INHBA: variants seen among roughly 807,000 people sequenced by gnomAD.
INHBA encodes the protein inhibin subunit beta A.
A neutral mutation model predicts 29.0 loss-of-function variants in INHBA; 1 was observed. The observed-to-expected ratio is 0.03, with a 90% CI of 0.01 to 0.16. The LOEUF (loss-of-function observed/expected upper bound fraction) is 0.16. INHBA is among the 10% of genes least tolerant of loss of function. INHBA has a pLI of 1.00. For missense variants in INHBA, 376 were observed against 545.4 expected (o/e 0.69, Z 3.09); for synonymous variants, 242 against 216.8 (o/e 1.12, Z -1.02).
chr7:41,693,063 C>G (rs1583593364), intron 2 of INHBA, among the ~76,000 whole-genome samples: 1 of 152,318 alleles, frequency 6.6e-6, no homozygotes, highest in East Asian at 1.9e-4. Flanking sequence ...AAGATACCTG[C>G]TGTTTTCCCT....
intron 2 of INHBA, among the ~76,000 whole-genome samples, chr7:41,694,857 G>A (rs927859482): frequency 2.0e-5 from 3 of 152,194 alleles, no homozygotes; most frequent in South Asian, 2.1e-4. Flanking sequence ...ACCTCACAGG[G>A]AATACCTCTG....
Position 41,690,352 on chromosome 7 carries a change from C to T in INHBA, c.579G>A (p.Glu193=), listed in dbSNP as rs1794473777. The T allele has an allele frequency of 6.2e-7, 1 of 1,614,112 alleles. No individual in the cohort carries two copies. The highest frequency in any genetic ancestry group is 2.2e-5 in the East Asian group (1 of 44,836). The part of the protein sequence containing the change: ...QGSLDTGEEA[E]EVGLKGERSE... ...TCCTCTCCCCCTTTAAGCCCACTTC[C>T]TCGGCCTCTTCCCCTGTGTCCAAGC... is the stretch of plus-strand genomic sequence containing the variant. The change falls in exon 3 of 3, where the codon GAG becomes GAA. Residue 193 remains glutamate, a synonymous_variant. Transcript: ENST00000242208.
rs1193683862 is a variant in INHBA, at chr7:41,686,275, C to G, written c.*3375G>C. 6.6e-6 allele frequency: 1 copy of G among 152,020 alleles called. No individual in the cohort carries two copies. The highest frequency in any genetic ancestry group is 1.9e-4 in the East Asian group (1 of 5,192). The allele number at this position is 152,020 out of a possible 1,614,324, so 9.4% of individuals were successfully genotyped here. On this transcript the variant is annotated 3_prime_UTR_variant, in exon 3 of 3. Coordinates refer to ENST00000242208, the MANE Select transcript of INHBA (RefSeq NM_002192.4). ...AATTTGGTCCATAAAATACATGTTA[C>G]TATTAAAAGATATTTAAAGACAAAT...
rs1376884212 is a variant in INHBA, at chr7:41,687,595, A to C, written c.*2055T>G. ...TGCATCTGAATCAATACAAATTTAC[A>C]CATGAAGAATTTTGGCTGTAAATTA... On this transcript the variant is annotated 3_prime_UTR_variant, in exon 3 of 3. Coordinates refer to ENST00000242208, the MANE Select transcript of INHBA (RefSeq NM_002192.4). 1 of 152,152 alleles carries C rather than the reference A, an allele frequency of 6.6e-6. No homozygotes were observed. The highest frequency in any genetic ancestry group is 2.4e-5 in the African/African-American group (1 of 41,438). 9.4% of individuals were successfully genotyped at this position (152,152 alleles called of 1,614,324 possible). A position where few individuals can be genotyped will look rare whatever the true frequency, so the allele number is the denominator to read the frequency against.
Position 41,700,305 on chromosome 7 carries a change from G to T in INHBA, c.70C>A (p.Pro24Thr). Reference sequence around the variant, plus strand: ...GCCGCGCTGTGCCCCTCGGATCCTGGGGTGGGGGAACTCCTCACTATAATC... The same window carrying T: ...GCCGCGCTGTGCCCCTCGGATCCTGTGGTGGGGGAACTCCTCACTATAATC... The part of the protein sequence containing the change: ...CWIIVRSSPT[P>T]GSEGHSAAPD... The change falls in exon 2 of 3, where the codon CCA (proline) becomes ACA (threonine). Residue 24 changes from proline to threonine, a missense_variant. Pro to Thr is a conservative substitution (Grantham distance 38). Around this residue, in one of 4 missense-constraint regions of INHBA, gnomAD observed 71 missense variants for 77.0 expected, o/e 0.92. Coordinates refer to ENST00000242208, the MANE Select transcript of INHBA (RefSeq NM_002192.4). The T allele has an allele frequency of 6.4e-7, 1 of 1,573,262 alleles. No individual in the cohort carries two copies. Among genetic ancestry groups the T allele is most frequent in the Non-Finnish European group, 8.6e-7 (1 of 1,158,634 alleles).
rs1235811174 is a variant in INHBA at position 41,693,737 on chromosome 7, T to C, written c.389-3195A>G. On this transcript the variant is annotated intron_variant, in intron 2 of 2. Coordinates refer to ENST00000242208, the MANE Select transcript of INHBA (RefSeq NM_002192.4). ...CTTTCATGCTGGTCTTGGCTGATAA[T>C]TAACTGCATGGCATCGCCTGCGTAT... Among the ~76,000 whole-genome samples the C allele has an allele frequency of 1.6e-4, 24 of 152,328 alleles. 1 individual carries two copies. In the East Asian group the frequency reaches 4.2e-3, roughly 27 times the overall value.
At chr7:41,702,009 T>C (rs775467954) in intron 1 of INHBA, among the ~76,000 whole-genome samples, 1 of 152,208 alleles carries the variant, frequency 6.6e-6, no homozygotes, top group East Asian at 1.9e-4. Flanking sequence ...ATTTTCTGTC[T>C]TATTGCTTTT....
At chr7:41,700,564 C>T (rs974801287) in intron 1 of INHBA, 47 bp from the exon 2 acceptor site, 1 of 510,576 alleles carries the variant, frequency 2.0e-6, no homozygotes, top group Admixed American at 3.8e-5. Context: ...TTTGCAGGTT[C>T]CTCTCTGAAT....
chr7:41,692,492 T>A (rs1226798534), intron 2 of INHBA: 3 of 152,232 alleles, frequency 2.0e-5, no homozygotes, highest in Non-Finnish European at 4.4e-5. Context: ...CTCTGCACAC[T>A]GTGATTATGA....
At chr7:41,696,629 G>A (rs1039812853) in intron 2 of INHBA, among the ~76,000 whole-genome samples, 2 of 152,152 alleles carry the variant, frequency 1.3e-5, no homozygotes, top group African/African-American at 2.4e-5. Flanking sequence ...TCTTGTGGCC[G>A]CTCTTCCCCA....
Position 41,689,428 on chromosome 7 carries a change from C to A in INHBA, c.*222G>T, listed in dbSNP as rs543099568. On this transcript the variant is annotated 3_prime_UTR_variant, in exon 3 of 3. Coordinates refer to ENST00000242208, the MANE Select transcript of INHBA (RefSeq NM_002192.4). ...TCCCTCCCAATTCCTGTCTCTTTCA[C>A]TGCTTCATCTCTGAGCCCTGGCTAA... 10 of 483,842 alleles carry A rather than the reference C, an allele frequency of 2.1e-5. No individual in the cohort carries two copies. Among genetic ancestry groups the A allele is most frequent in the Non-Finnish European group, 3.6e-5 (10 of 279,098 alleles). 30.0% of individuals were successfully genotyped at this position (483,842 alleles called of 1,614,324 possible). A position where few individuals can be genotyped will look rare whatever the true frequency, so the allele number is the denominator to read the frequency against.
At position 41,685,501 on chromosome 7, in the gene INHBA, G is replaced by GAAAC. The variant is rs578246420; in HGVS notation, c.*4145_*4148dup. On this transcript the variant is annotated 3_prime_UTR_variant, in exon 3 of 3. Coordinates refer to ENST00000242208, the MANE Select transcript of INHBA (RefSeq NM_002192.4). ...AACAAAGTAAAAAACCAACAAAATA[G>GAAAC]AAACAAACAAACAAACAACATCAAC... is the stretch of plus-strand genomic sequence containing the variant. 1 of 151,756 alleles carries GAAAC rather than the reference G, an allele frequency of 6.6e-6. No individual in the cohort carries two copies. The highest frequency in any genetic ancestry group is 2.4e-5 in the African/African-American group (1 of 41,320). The allele number at this position is 151,756 out of a possible 1,614,324, so 9.4% of individuals were successfully genotyped here. A position where few individuals can be genotyped will look rare whatever the true frequency, so the allele number is the denominator to read the frequency against.
At chr7:41,695,579 T>G (rs1794628973) in intron 2 of INHBA, among the ~76,000 whole-genome samples, 1 of 152,188 alleles carries the variant, frequency 6.6e-6, no homozygotes, top group Admixed American at 6.5e-5. Flanking sequence ...CTTGATTAAT[T>G]TTTTAGCTTT....
chr7:41,698,846 G>A (rs1005902720), intron 2 of INHBA, among the ~76,000 whole-genome samples: 8 of 152,176 alleles, frequency 5.3e-5, no homozygotes, highest in Non-Finnish European at 8.8e-5. Context: ...TACTGCTGCG[G>A]CAAACTTTTA....
At position 41,700,246 on chromosome 7, in the gene INHBA, G is replaced by T; in HGVS notation, c.129C>A (p.Leu43=). The T allele has an allele frequency of 6.2e-7, 1 of 1,611,818 alleles. No individual in the cohort carries two copies. The highest frequency in any genetic ancestry group is 1.1e-5 in the South Asian group (1 of 90,992). ...GCTGAGAGTTGGGTACATCCTTTGGGAGGGCGGCCAGCGCACAGGACGGAC... is the reference window on the plus strand; with the variant it reads ...GCTGAGAGTTGGGTACATCCTTTGGTAGGGCGGCCAGCGCACAGGACGGAC... ...PDCPSCALAA[L]PKDVPNSQPE... Residue 43 remains leucine (L), a synonymous_variant, in exon 2 of 3, where the codon CTC becomes CTA. Transcript: ENST00000242208.
Position 41,689,258 on chromosome 7 carries a change from G to A in INHBA, c.*392C>T, listed in dbSNP as rs999756626. ...TGGCTTTCTAGATGCTATTTGGGTT[G>A]TTCTAGTCCACACTACTGCAGACTA... On this transcript the variant is annotated 3_prime_UTR_variant, in exon 3 of 3. Coordinates refer to ENST00000242208, the MANE Select transcript of INHBA (RefSeq NM_002192.4). 2.9e-5 allele frequency: 7 copies of A among 244,384 alleles called. No individual in the cohort carries two copies. Among genetic ancestry groups the A allele is most frequent in the Middle Eastern group, 1.2e-3 (1 of 820 alleles). 15.1% of individuals were successfully genotyped at this position (244,384 alleles called of 1,614,324 possible). A position where few individuals can be genotyped will look rare whatever the true frequency, so the allele number is the denominator to read the frequency against.
chr7:41,700,033 A>G lies in INHBA; in HGVS notation c.342T>C (p.Asn114=). The change falls in exon 2 of 3, where the codon AAT becomes AAC. Residue 114 remains asparagine (N), a synonymous_variant. Coordinates refer to ENST00000242208, the MANE Select transcript of INHBA (RefSeq NM_002192.4). The part of the protein sequence containing the change: ...EDDIGRRAEM[N]ELMEQTSEII... ...TCTCCGAGGTCTGCTCCATAAGTTC[A>G]TTCATTTCTGCCCTCCTTCCAATGT... 6.4e-7 allele frequency: 1 copy of G among 1,571,766 alleles called. No individual in the cohort carries two copies. The highest frequency in any genetic ancestry group is 2.4e-5 in the East Asian group (1 of 42,154).
Position 41,685,582 on chromosome 7 carries a change from T to C in INHBA, c.*4068A>G, listed in dbSNP as rs1794379646. 6.6e-6 allele frequency: 1 copy of C among 152,200 alleles called. No individual in the cohort carries two copies. The highest frequency in any genetic ancestry group is 1.5e-5 in the Non-Finnish European group (1 of 67,994). 9.4% of individuals were successfully genotyped at this position (152,200 alleles called of 1,614,324 possible). A position where few individuals can be genotyped will look rare whatever the true frequency, so the allele number is the denominator to read the frequency against. On this transcript the variant is annotated 3_prime_UTR_variant, in exon 3 of 3. Transcript: ENST00000242208. ...AGGCTTCAGATTATCTTGGCTTTCA[T>C]AATTATATTTTTCTTTTAAAGAAAA... is the stretch of plus-strand genomic sequence containing the variant.
At chr7:41,700,878 A>AGAG (rs1322539506) in intron 1 of INHBA, among the ~76,000 whole-genome samples, 1 of 106,900 alleles carries the variant, frequency 9.4e-6, no homozygotes, top group South Asian at 3.2e-4. Flanking sequence ...AGAGAGAGAG[A>AGAG]AAGGATTGGC....
Sources: allele counts gnomAD v4.1 joint callset (sites outside exome capture counted in the v4.1 genomes callset), GRCh38; gene constraint gnomAD v4.1.1; regional missense constraint gnomAD v4.1.1; transcripts MANE v1.5; gene names NCBI Gene and HGNC (gene_info 2026-07-23, HGNC 2026-07-21).